DECR1: variants seen among roughly 807,000 people sequenced by gnomAD.
The protein encoded by DECR1 is 2,4-dienoyl-CoA reductase [(3E)-enoyl-CoA-producing], mitochondrial.
Under a neutral mutation model 38.8 loss-of-function variants are expected in DECR1, and 44 were observed. The observed-to-expected ratio is 1.13, with a 90% CI of 0.89 to 1.46. The LOEUF (loss-of-function observed/expected upper bound fraction) is 1.46, where lower values mean the gene tolerates loss of function less well. Ranked by LOEUF, DECR1 falls within the 40% of genes most tolerant of loss-of-function variation. The probability of loss-of-function intolerance (pLI) is 0.00; values close to 1 mark genes in which losing one functional copy is unlikely to be tolerated. For missense variants in DECR1, 428 were observed against 405.5 expected (o/e 1.06, Z -0.48); for synonymous variants, 148 against 135.2 (o/e 1.09, Z -0.66).
chr8:90,015,057 C>A (rs1427070707), intron 1 of DECR1, among the ~76,000 whole-genome samples: 2 of 152,090 alleles, frequency 1.3e-5, no homozygotes, highest in East Asian at 1.9e-4. Flanking sequence ...TTATTTTATA[C>A]ATGATCTCAA....
At chr8:90,031,374 C>T (rs1813488689) in intron 5 of DECR1, among the ~76,000 whole-genome samples, 1 of 152,082 alleles carries the variant, frequency 6.6e-6, no homozygotes, top group African/African-American at 2.4e-5. Context: ...AGGGGACTAT[C>T]AACTATCTGA....
intron 1 of DECR1, chr8:90,005,938 G>A (rs1812727058): frequency 2.2e-6 from 1 of 449,734 alleles, no homozygotes; most frequent in Non-Finnish European, 4.1e-6. Flanking sequence ...GGAGGTGCCG[G>A]CAAGAGAGGA....
At chr8:90,009,192 C>A (rs1812821782) in intron 1 of DECR1, among the ~76,000 whole-genome samples, 1 of 152,156 alleles carries the variant, frequency 6.6e-6, no homozygotes, top group Non-Finnish European at 1.5e-5. Context: ...TCCTTCTTCT[C>A]CAGCCACACT....
rs74664558 is a variant in DECR1 at position 90,052,409 on chromosome 8, G to A, written c.*512G>A. 5.0e-3 allele frequency among the ~76,000 whole-genome samples: 758 copies of A among 152,124 alleles called. 9 individuals are homozygous for A. The highest frequency in any genetic ancestry group is 0.017 in the African/African-American group (693 of 41,500). ...AACTCAAACCTTTAATTTTTACTAGGACCTATTTGTAGCCAGGCATTTTAT... is the reference window on the plus strand; with the variant it reads ...AACTCAAACCTTTAATTTTTACTAGAACCTATTTGTAGCCAGGCATTTTAT... On this transcript the variant is annotated 3_prime_UTR_variant, in exon 10 of 10. Coordinates refer to ENST00000220764, the MANE Select transcript of DECR1 (RefSeq NM_001359.2).
intron 5 of DECR1, among the ~76,000 whole-genome samples, chr8:90,025,137 GT>G (rs1813296407): frequency 6.6e-6 from 1 of 152,202 alleles, no homozygotes; most frequent in Non-Finnish European, 1.5e-5. Context: ...TTGTAGTATA[GT>G]TTGAAGTGAG....
rs1813665113 is a variant in DECR1 at position 90,038,333 on chromosome 8, C to T, written c.665+1393C>T. Among the ~76,000 whole-genome samples, 6 of 152,222 alleles carry T rather than the reference C, an allele frequency of 3.9e-5. 1 individual carries two copies. In the South Asian group the frequency reaches 1.0e-3, roughly 26 times the overall value. ...ATGTTTTCTCTGTAATCATTTCCTC[C>T]TCTCTGTGCCTTAAAACTTTGTTTA... On this transcript the variant is annotated intron_variant, in intron 6 of 9. Transcript: ENST00000220764.
chr8:90,018,686 T>G, intron 2 of DECR1: 1 of 439,390 alleles, frequency 2.3e-6, no homozygotes, highest in Non-Finnish European at 4.1e-6. Context: ...GTAGATAATG[T>G]TAAAGTAAAC....
intron 5 of DECR1, among the ~76,000 whole-genome samples, chr8:90,030,878 A>G (rs1205541324): frequency 6.6e-6 from 1 of 152,092 alleles, no homozygotes; most frequent in Non-Finnish European, 1.5e-5. Flanking sequence ...TTTTGAAATC[A>G]CTTTTTTCTA....
intron 2 of DECR1, 101 bp downstream of exon 2, chr8:90,017,427 T>A (rs960742823): frequency 4.0e-6 from 3 of 754,936 alleles, no homozygotes; most frequent in Non-Finnish European, 6.2e-6. Flanking sequence ...GATTAGCATC[T>A]TAATCTTATA....
rs964356072 is a variant in DECR1, at chr8:90,042,938, C to T, written c.738+138C>T. 3.3e-5 allele frequency: 23 copies of T among 686,824 alleles called. No individual in the cohort carries two copies. The African/African-American group carries it at 3.4e-4, about 10-fold the overall frequency. 42.5% of individuals were successfully genotyped at this position (686,824 alleles called of 1,614,324 possible). A position where few individuals can be genotyped will look rare whatever the true frequency, so the allele number is the denominator to read the frequency against. ...CCTGGTTCTAGGGAAGAGGCCTTTG[C>T]CTTTATTCATTATCGAATATAAGAA... On this transcript the variant is annotated intron_variant, in intron 7 of 9. Coordinates refer to ENST00000220764, the MANE Select transcript of DECR1 (RefSeq NM_001359.2).
intron 7 of DECR1, among the ~76,000 whole-genome samples, chr8:90,043,030 T>A (rs951270842): frequency 6.6e-6 from 1 of 152,162 alleles, no homozygotes; most frequent in Admixed American, 6.6e-5. Flanking sequence ...AGTGTCTTAA[T>A]CGTTTGGGAT....
chr8:90,004,758 T>C (rs1031039015), intron 1 of DECR1, among the ~76,000 whole-genome samples: 25 of 152,234 alleles, frequency 1.6e-4, no homozygotes, highest in Non-Finnish European at 3.4e-4. Context: ...CCACTGTTTA[T>C]ACCTAGAACA....
intron 1 of DECR1, among the ~76,000 whole-genome samples, chr8:90,010,236 C>T (rs552231002): frequency 6.6e-6 from 1 of 152,308 alleles, no homozygotes; most frequent in Non-Finnish European, 1.5e-5. Context: ...GTTAACGAGG[C>T]CTGTGGCAAG....
In DECR1 at chr8:90,036,901, C is replaced by G. The variant is rs1183021598; in HGVS notation, c.626C>G (p.Pro209Arg). ...YAETGSGFVV[P>R]SASAKAGVEA... is the part of the protein sequence containing the mutation. ...GAGACTGGTTCAGGTTTTGTAGTAC[C>G]AAGTGCTTCTGCCAAAGCAGGTGTG... Residue 209 changes from proline to arginine, a missense_variant, in exon 6 of 10, where the codon CCA becomes CGA. By Grantham distance (103) the Pro-to-Arg change is moderately radical. Coordinates refer to ENST00000220764, the MANE Select transcript of DECR1 (RefSeq NM_001359.2). 24 of 1,613,186 alleles carry G rather than the reference C, an allele frequency of 1.5e-5. No homozygotes were observed. Among genetic ancestry groups the G allele is most frequent in the Non-Finnish European group, 2.0e-5 (24 of 1,179,656 alleles).
chr8:90,009,784 A>C (rs1386601705), intron 1 of DECR1, among the ~76,000 whole-genome samples: 4 of 152,216 alleles, frequency 2.6e-5, no homozygotes, highest in Non-Finnish European at 1.5e-5. Context: ...GGCAGGAGTG[A>C]AGACCCTAGC....
In DECR1 at chr8:90,052,919, C is replaced by G. The variant is rs148081262; in HGVS notation, c.*1022C>G. Among the ~76,000 whole-genome samples the G allele has an allele frequency of 1.2e-3, 186 of 152,278 alleles. No homozygotes were observed. Among genetic ancestry groups the G allele is most frequent in the African/African-American group, 4.4e-3 (182 of 41,544 alleles). Reference sequence around the variant, plus strand: ...GAAACCAGCTTCCATCTTACCTCATCTGAATAAATCTGCCACAAGCCCATG... The same window carrying G: ...GAAACCAGCTTCCATCTTACCTCATGTGAATAAATCTGCCACAAGCCCATG... On this transcript the variant is annotated 3_prime_UTR_variant, in exon 10 of 10. Transcript: ENST00000220764.
intron 8 of DECR1, among the ~76,000 whole-genome samples, chr8:90,045,622 CA>C (rs1563656929): frequency 6.6e-6 from 1 of 152,224 alleles, no homozygotes; most frequent in African/African-American, 2.4e-5. Context: ...CATAGCTGAA[CA>C]AAAGGCAGCA....
chr8:90,012,928 A>G (rs1812922347), intron 1 of DECR1, among the ~76,000 whole-genome samples: 1 of 152,234 alleles, frequency 6.6e-6, no homozygotes, highest in Admixed American at 6.5e-5. Flanking sequence ...AAGCAGGAGC[A>G]AAGGCCAGAA....
chr8:90,015,337 A>G (rs888103937), intron 1 of DECR1, among the ~76,000 whole-genome samples: 1 of 152,290 alleles, frequency 6.6e-6, no homozygotes, highest in East Asian at 1.9e-4. Flanking sequence ...CATCTATAAA[A>G]TAGAAGTAAC....
Sources: allele counts gnomAD v4.1 joint callset (sites outside exome capture counted in the v4.1 genomes callset), GRCh38; gene constraint gnomAD v4.1.1; transcripts MANE v1.5; gene names NCBI Gene and HGNC (gene_info 2026-07-23, HGNC 2026-07-21).